Variants in DCAF17 observed in about 807,000 individuals in gnomAD.
DCAF17 encodes DDB1 and CUL4 associated factor 17, also known as DDB1- and CUL4-associated factor 17.
In DCAF17, 48 loss-of-function variants were observed where a neutral mutation model predicts 66.0. The observed-to-expected ratio is 0.73, with a 90% CI of 0.58 to 0.92. The LOEUF (loss-of-function observed/expected upper bound fraction) is 0.92, where lower values mean the gene tolerates loss of function less well. Among genes scored for constraint, DCAF17 ranks in the 40% least tolerant of loss-of-function variants. The pLI, the probability that DCAF17 is intolerant of heterozygous loss-of-function variation, is 0.00. For missense variants in DCAF17, 562 were observed against 622.8 expected (o/e 0.90, Z 1.04); for synonymous variants, 206 against 214.6 (o/e 0.96, Z 0.35).
chr2:171,481,968 T>A lies in DCAF17; in HGVS notation c.*854T>A. 2.2e-6 allele frequency: 1 copy of A among 454,080 alleles called. No homozygotes were observed. The highest frequency in any genetic ancestry group is 4.4e-6 in the Non-Finnish European group (1 of 226,760). 28.1% of individuals were successfully genotyped at this position (454,080 alleles called of 1,614,324 possible). On this transcript the variant is annotated 3_prime_UTR_variant, in exon 14 of 14. Coordinates refer to ENST00000375255, the MANE Select transcript of DCAF17 (RefSeq NM_025000.4). ...GTACCCTTGCCTGCAGTAGTTCTGT[T>A]TCCTGTAGAAAAGTGGATAAAGAGT... is the stretch of plus-strand genomic sequence containing the variant.
rs894027485 is a variant in DCAF17 at position 171,483,204 on chromosome 2, T to A, written c.*2090T>A. On this transcript the variant is annotated 3_prime_UTR_variant, in exon 14 of 14. Transcript: ENST00000375255. The stretch of plus-strand genomic sequence containing the variant: ...CAGAGTGTCACACAGCTGCTCATTC[T>A]GCCACCTGCCAGACATTAATGTCTT... The A allele has an allele frequency of 2.2e-6, 1 of 454,142 alleles. No homozygotes were observed. The highest frequency in any genetic ancestry group is 2.3e-5 in the Admixed American group (1 of 42,568). The allele number at this position is 454,142 out of a possible 1,614,324, so 28.1% of individuals were successfully genotyped here.
chr2:171,437,104 T>A (rs1694018940), intron 2 of DCAF17, among the ~76,000 whole-genome samples: 1 of 152,162 alleles, frequency 6.6e-6, no homozygotes, highest in African/African-American at 2.4e-5. Context: ...GAAGTCCAAT[T>A]TATCTAAATT....
intron 2 of DCAF17, among the ~76,000 whole-genome samples, chr2:171,436,841 C>G (rs1057131446): frequency 8.2e-5 from 12 of 146,110 alleles, no homozygotes; most frequent in African/African-American, 3.1e-4. Flanking sequence ...ATGGCGTGAT[C>G]TCGGCTCACT....
chr2:171,457,954 G>A lies in DCAF17; in HGVS notation c.628-17G>A, dbSNP rs1198971681. 7 of 1,600,460 alleles carry A rather than the reference G, an allele frequency of 4.4e-6. No individual in the cohort carries two copies. The highest frequency in any genetic ancestry group is 5.1e-6 in the Non-Finnish European group (6 of 1,167,738). On this transcript the variant is annotated splice_polypyrimidine_tract_variant and intron_variant, in intron 6 of 13. Coordinates refer to ENST00000375255, the MANE Select transcript of DCAF17 (RefSeq NM_025000.4). ...TCCAGTCTTTTCTCAGGTGATATCTGTCTTTCCCCCCGCCAGATTTTTGGG... is the reference window on the plus strand; with the variant it reads ...TCCAGTCTTTTCTCAGGTGATATCTATCTTTCCCCCCGCCAGATTTTTGGG...
rs753106369 is a variant in DCAF17, at chr2:171,458,406, G to A, written c.767G>A (p.Cys256Tyr). 4 of 1,613,936 alleles carry A rather than the reference G, an allele frequency of 2.5e-6. No individual in the cohort carries two copies. Among genetic ancestry groups the A allele is most frequent in the Admixed American group, 1.7e-5 (1 of 59,992 alleles). Residue 256 changes from cysteine to tyrosine, a missense_variant, in exon 8 of 14, where the codon TGC becomes TAC. Physicochemically the swap from Cys to Tyr is radical, Grantham distance 194. Transcript: ENST00000375255. The stretch of plus-strand genomic sequence containing the variant: ...CAGAAACTTGACTTAGGGTGTGCAT[G>A]CAGATGGGGTGGGACTACTGGAACT... ...MQQKLDLGCACRWGGTTGTVG... is the reference protein window; with the variant it reads ...MQQKLDLGCAYRWGGTTGTVG...
rs145373123 is a variant in DCAF17 at position 171,483,659 on chromosome 2, A to G, written c.*2545A>G. On this transcript the variant is annotated 3_prime_UTR_variant, in exon 14 of 14. Coordinates refer to ENST00000375255, the MANE Select transcript of DCAF17 (RefSeq NM_025000.4). ...TTGTATCTTACAGTTCTTTTTTTAA[A>G]TAATATATTTATTGAGCACTTTCTA... 1.1e-5 allele frequency: 5 copies of G among 453,858 alleles called. No individual in the cohort carries two copies. Among genetic ancestry groups the G allele is most frequent in the Admixed American group, 9.4e-5 (4 of 42,556 alleles). 28.1% of individuals were successfully genotyped at this position (453,858 alleles called of 1,614,324 possible). A position where few individuals can be genotyped will look rare whatever the true frequency, so the allele number is the denominator to read the frequency against.
intron 8 of DCAF17, among the ~76,000 whole-genome samples, chr2:171,462,754 A>G (rs1049456426): frequency 2.6e-5 from 4 of 152,222 alleles, no homozygotes; most frequent in Admixed American, 2.6e-4. Flanking sequence ...TAAATGTACA[A>G]TTAAAACATT....
chr2:171,480,854 A>G, intron 13 of DCAF17, 120 bp from the exon 14 acceptor site: 1 of 1,248,292 alleles, frequency 8.0e-7, no homozygotes, highest in East Asian at 2.3e-5. Flanking sequence ...TCTTTCTAGC[A>G]ACTATTTTCT....
intron 2 of DCAF17, 108 bp downstream of exon 2, chr2:171,435,294 A>C (rs1199979584): frequency 9.3e-6 from 8 of 856,472 alleles, no homozygotes; most frequent in Non-Finnish European, 1.6e-5. Flanking sequence ...TAGAATGAAA[A>C]AAATGGGTCC....
intron 2 of DCAF17, among the ~76,000 whole-genome samples, chr2:171,435,705 A>G (rs62183467): frequency 0.2 from 30,696 of 152,122 alleles, 3,243 homozygotes; most frequent in South Asian, 0.28. Flanking sequence ...TTCAAAAACT[A>G]TCAAGATTTG....
At chr2:171,470,705 A>G (rs1019408471) in intron 9 of DCAF17, among the ~76,000 whole-genome samples, 2 of 152,020 alleles carry the variant, frequency 1.3e-5, no homozygotes, top group African/African-American at 2.4e-5. Flanking sequence ...TTTTCACTTA[A>G]CTTTGGATCT....
At chr2:171,480,615 T>G (rs143146748) in intron 13 of DCAF17, among the ~76,000 whole-genome samples, 94 of 152,260 alleles carry the variant, frequency 6.2e-4, no homozygotes, top group African/African-American at 2.0e-3. Flanking sequence ...AATGTCAAAG[T>G]TGTAAGGAAC....
Position 171,481,255 on chromosome 2 carries a change from CT to C in DCAF17, c.*147del. 1.0e-6 allele frequency: 1 copy of C among 986,110 alleles called. No individual in the cohort carries two copies. Among genetic ancestry groups the C allele is most frequent in the Non-Finnish European group, 1.6e-6 (1 of 631,148 alleles). 61.1% of individuals were successfully genotyped at this position (986,110 alleles called of 1,614,324 possible). Reference sequence around the variant, plus strand: ...TGTTGACTTCAGATGACTATGACTTCTTTTTTAAACTCTTGCTGTAAAAGAT... The same window carrying C: ...TGTTGACTTCAGATGACTATGACTTCTTTTTAAACTCTTGCTGTAAAAGAT... On this transcript the variant is annotated 3_prime_UTR_variant, in exon 14 of 14. Transcript: ENST00000375255.
intron 8 of DCAF17, among the ~76,000 whole-genome samples, chr2:171,467,244 C>T (rs961215250): frequency 5.9e-5 from 9 of 151,590 alleles, no homozygotes; most frequent in Non-Finnish European, 1.0e-4. Flanking sequence ...ACAGATGAAC[C>T]GCATAGCCTA....
rs1695380270 is a variant in DCAF17 at position 171,458,345 on chromosome 2, A to G, written c.733-27A>G. ...TATCAAATAAATAGGTGCTAAAGCCACCATTTTTGTTTTGTTTTGTTTTTA... is the reference window on the plus strand; with the variant it reads ...TATCAAATAAATAGGTGCTAAAGCCGCCATTTTTGTTTTGTTTTGTTTTTA... On this transcript the variant is annotated intron_variant, in intron 7 of 13. Coordinates refer to ENST00000375255, the MANE Select transcript of DCAF17 (RefSeq NM_025000.4). 5 of 1,582,460 alleles carry G rather than the reference A, an allele frequency of 3.2e-6. No homozygotes were observed. In the African/African-American group the frequency reaches 6.7e-5, roughly 21 times the overall value.
At chr2:171,458,199 G>C in intron 7 of DCAF17, 124 bp downstream of exon 7, 2 of 1,064,662 alleles carry the variant, frequency 1.9e-6, no homozygotes, top group Non-Finnish European at 2.8e-6. Context: ...CTAAAAAACT[G>C]TAGAAATGTA....
intron 8 of DCAF17, among the ~76,000 whole-genome samples, chr2:171,467,841 A>G (rs1363985567): frequency 6.6e-6 from 1 of 150,880 alleles, no homozygotes; most frequent in African/African-American, 2.4e-5. Flanking sequence ...TTTTTTTCCC[A>G]TGTATAGCTC....
chr2:171,484,830 G>A lies in DCAF17; in HGVS notation c.*3716G>A. 2 of 453,854 alleles carry A rather than the reference G, an allele frequency of 4.4e-6. No homozygotes were observed. The highest frequency in any genetic ancestry group is 8.8e-6 in the Non-Finnish European group (2 of 226,756). 28.1% of individuals were successfully genotyped at this position (453,854 alleles called of 1,614,324 possible). The stretch of plus-strand genomic sequence containing the variant: ...TTTACCTGTTCTAAACTTCATATGA[G>A]TGAAATTATACAAAATGTAATGCTT... On this transcript the variant is annotated 3_prime_UTR_variant, in exon 14 of 14. Transcript: ENST00000375255.
At chr2:171,453,270 C>A in intron 6 of DCAF17, 57 bp downstream of exon 6, 1 of 1,255,484 alleles carries the variant, frequency 8.0e-7, no homozygotes, top group South Asian at 1.3e-5. Context: ...GTTGTAATGT[C>A]ATTATTTAAT....
Sources: allele counts gnomAD v4.1 joint callset (sites outside exome capture counted in the v4.1 genomes callset), GRCh38; gene constraint gnomAD v4.1.1; transcripts MANE v1.5; gene names NCBI Gene and HGNC (gene_info 2026-07-23, HGNC 2026-07-21).